The following ATP2B2 variants were observed in gnomAD, a reference collection of about 807,000 sequenced individuals.
The protein encoded by ATP2B2 is ATPase plasma membrane Ca2+ transporting 2, also known as plasma membrane calcium-transporting ATPase 2.
In ATP2B2, 15 loss-of-function variants were observed where a neutral mutation model predicts 120.0. The observed-to-expected ratio is 0.12, with a 90% CI of 0.08 to 0.19. The LOEUF (loss-of-function observed/expected upper bound fraction) is 0.19, where lower values mean the gene tolerates loss of function less well. Among genes scored for constraint, ATP2B2 ranks in the 10% least tolerant of loss-of-function variants. The pLI is 1.00. For missense variants in ATP2B2, 1,045 were observed against 1,719.8 expected, an observed-to-expected ratio of 0.61 and a Z score of 6.94; for synonymous variants, 694 against 700.3, an observed-to-expected ratio of 0.99 and a Z score of 0.14.
intron 8 of ATP2B2, among the ~76,000 whole-genome samples, chr3:10,383,051 T>C (rs961655188): frequency 6.6e-6 from 1 of 151,082 alleles, no homozygotes; most frequent in African/African-American, 2.4e-5. Flanking sequence ...TGCATTTCTT[T>C]TTTTTTAATT....
rs557038596 is a variant in ATP2B2 at position 10,688,586 on chromosome 3, C to G, written c.-460+19329G>C. ...CTTGTGCCAAATGACCCAGGTCCCC[C>G]AAGAAAGCCACCGGAGAAAGAAAAT... On this transcript the variant is annotated intron_variant, in intron 1 of 21. Coordinates refer to the ATP2B2 transcript ENST00000646379. Among the ~76,000 whole-genome samples, 4 of 152,294 alleles carry G rather than the reference C, an allele frequency of 2.6e-5. 1 individual carries two copies. The South Asian group carries it at 8.3e-4, about 32-fold the overall frequency.
chr3:10,391,685 G>C (rs1319768552), intron 5 of ATP2B2, among the ~76,000 whole-genome samples: 1 of 152,126 alleles, frequency 6.6e-6, no homozygotes, highest in Non-Finnish European at 1.5e-5. Flanking sequence ...CCAGGGCAGG[G>C]GAGACGGGGC....
chr3:10,473,211 C>T (rs1166077705), intron 1 of ATP2B2, among the ~76,000 whole-genome samples: 1 of 152,240 alleles, frequency 6.6e-6, no homozygotes, highest in Non-Finnish European at 1.5e-5. Flanking sequence ...TCTCCTACTT[C>T]TAGGTCCCCT....
intron 1 of ATP2B2, among the ~76,000 whole-genome samples, chr3:10,666,790 C>T (rs1267157188): frequency 1.3e-5 from 2 of 152,156 alleles, no homozygotes; most frequent in East Asian, 1.9e-4. Flanking sequence ...CAGAGAGGCA[C>T]GAAGCCCCGC....
intron 2 of ATP2B2, among the ~76,000 whole-genome samples, chr3:10,559,512 T>C (rs1174649701): frequency 1.3e-5 from 2 of 151,742 alleles, no homozygotes; most frequent in Admixed American, 1.3e-4. Flanking sequence ...ACAATTATTG[T>C]GTGTCCACTA....
At chr3:10,504,641 TTGCTGC>T (rs2066538168) in intron 1 of ATP2B2, among the ~76,000 whole-genome samples, 1 of 148,046 alleles carries the variant, frequency 6.8e-6, no homozygotes, top group Non-Finnish European at 1.5e-5. Context: ...TAGAAAGGGG[TTGCTGC>T]TGTCCGCAAC....
At chr3:10,489,506 C>T (rs533301347) in intron 1 of ATP2B2, among the ~76,000 whole-genome samples, 1 of 152,312 alleles carries the variant, frequency 6.6e-6, no homozygotes, top group Admixed American at 6.5e-5. Context: ...CCCTCCTGGC[C>T]TCTCATTAAA....
chr3:10,475,144 C>T (rs1055303374), intron 1 of ATP2B2, among the ~76,000 whole-genome samples: 1 of 152,236 alleles, frequency 6.6e-6, no homozygotes, highest in Non-Finnish European at 1.5e-5. Context: ...TGAACATTTG[C>T]TGAGCCTCCC....
At chr3:10,484,390 C>T (rs2065544055) in intron 1 of ATP2B2, among the ~76,000 whole-genome samples, 1 of 152,112 alleles carries the variant, frequency 6.6e-6, no homozygotes, top group Middle Eastern at 3.2e-3. Flanking sequence ...AAGGGACAGG[C>T]TGAGGGGTCT....
intron 11 of ATP2B2, 111 bp from the exon 12 acceptor site, chr3:10,372,162 C>T (rs2061262235): frequency 2.7e-6 from 4 of 1,478,918 alleles, no homozygotes; most frequent in Non-Finnish European, 3.7e-6. Context: ...CCACCACAGC[C>T]TGCCCCTTTG....
chr3:10,572,744 G>A (rs2068155923), intron 2 of ATP2B2, among the ~76,000 whole-genome samples: 1 of 152,212 alleles, frequency 6.6e-6, no homozygotes, highest in Non-Finnish European at 1.5e-5. Flanking sequence ...GGTTGAAGGG[G>A]CATCTGCAGG....
rs1559483242 is a variant in ATP2B2, at chr3:10,606,942, GA to G, written c.-415+12974del. 1.0e-2 allele frequency among the ~76,000 whole-genome samples: 753 copies of G among 75,424 alleles called. 19 individuals are homozygous for G. The highest frequency in any genetic ancestry group is 0.047 in the African/African-American group (612 of 12,894). The allele number at this position is 75,424 out of a possible 152,430, so 49.5% of individuals were successfully genotyped here. On this transcript the variant is annotated intron_variant, in intron 2 of 21. Coordinates refer to the ATP2B2 transcript ENST00000646379. Reference sequence around the variant, plus strand: ...AGAGAGAGAGAGAGAGAGAGAGGGAGAGGGAGAGGGGGAGGGGGGGAGAGAG... The same window carrying G: ...AGAGAGAGAGAGAGAGAGAGAGGGAGGGGAGAGGGGGAGGGGGGGAGAGAG...
rs139432355 is a variant in ATP2B2, at chr3:10,604,347, C to A, written c.-415+15570G>T. Among the ~76,000 whole-genome samples the A allele has an allele frequency of 5.3e-5, 8 of 152,332 alleles. No homozygotes were observed. In the East Asian group the frequency reaches 1.2e-3, roughly 22 times the overall value. Reference sequence around the variant, plus strand: ...ACATGGCAGGTGGGCTAAAGTCATACAACACACTTCCCATTGTTTCACTTC... The same window carrying A: ...ACATGGCAGGTGGGCTAAAGTCATAAAACACACTTCCCATTGTTTCACTTC... On this transcript the variant is annotated intron_variant, in intron 2 of 21. Coordinates refer to the ATP2B2 transcript ENST00000646379.
chr3:10,410,764 T>G lies in ATP2B2; in HGVS notation c.251A>C (p.Gln84Pro). The G allele has an allele frequency of 6.2e-7, 1 of 1,614,202 alleles. No individual in the cohort carries two copies. The highest frequency in any genetic ancestry group is 8.5e-7 in the Non-Finnish European group (1 of 1,180,032). The part of the protein sequence containing the change: ...DLEKRKQIFG[Q>P]NFIPPKKPKT... ...TGGCTTCTTTGGAGGTATAAAGTTT[T>G]GCCCAAAAATTTGCTTTCTCTTTTC... The change falls in exon 3 of 23, where the codon CAA becomes CCA. Residue 84 changes from glutamine to proline, a missense_variant. Transcript: ENST00000360273.
At chr3:10,418,773 A>C (rs1014430796) in intron 2 of ATP2B2, among the ~76,000 whole-genome samples, 12 of 152,120 alleles carry the variant, frequency 7.9e-5, no homozygotes, top group African/African-American at 2.7e-4. Flanking sequence ...CCCAACAATA[A>C]TCACGTCCCC....
At chr3:10,625,581 G>A (rs953704380) in intron 1 of ATP2B2, among the ~76,000 whole-genome samples, 11 of 152,202 alleles carry the variant, frequency 7.2e-5, no homozygotes, top group Admixed American at 3.9e-4. Flanking sequence ...CTTCTTGGGC[G>A]GTTTGTGGAG....
At chr3:10,517,413 A>G (rs2066898628) in intron 3 of ATP2B2, among the ~76,000 whole-genome samples, 1 of 152,214 alleles carries the variant, frequency 6.6e-6, no homozygotes, top group Non-Finnish European at 1.5e-5. Context: ...GTTTCCCCAT[A>G]TTCAAAATGA....
chr3:10,661,420 T>C (rs937439603), intron 1 of ATP2B2, among the ~76,000 whole-genome samples: 4 of 152,124 alleles, frequency 2.6e-5, no homozygotes, highest in African/African-American at 9.7e-5. Flanking sequence ...ACAAAATCAA[T>C]GCGCAAAAAT....
intron 1 of ATP2B2, among the ~76,000 whole-genome samples, chr3:10,676,178 A>T (rs1463921960): frequency 2.0e-5 from 3 of 152,196 alleles, no homozygotes; most frequent in African/African-American, 7.2e-5. Context: ...GTAAAGAAGG[A>T]GAGAGAAAAG....
Sources: gnomAD v4.1 joint callset for allele counts (sites outside exome capture counted in the v4.1 genomes callset) on GRCh38, gnomAD v4.1.1 for gene constraint, MANE v1.5 for transcripts, NCBI Gene and HGNC (gene_info 2026-07-23, HGNC 2026-07-21) for gene names.